The following LRRTM4 variants were observed in gnomAD, a reference collection of about 807,000 sequenced individuals.
LRRTM4 encodes the protein leucine-rich repeat transmembrane neuronal protein 4.
Under a neutral mutation model 47.6 loss-of-function variants are expected in LRRTM4, and 25 were observed. The observed-to-expected ratio is 0.53, with a 90% CI of 0.38 to 0.73. The LOEUF (loss-of-function observed/expected upper bound fraction) is 0.73, where lower values mean the gene tolerates loss of function less well. LRRTM4 is among the 30% of genes least tolerant of loss of function. The pLI is 0.00. For missense variants in LRRTM4, 638 were observed against 713.4 expected, an observed-to-expected ratio of 0.89 and a Z score of 1.20; for synonymous variants, 311 against 269.5, an observed-to-expected ratio of 1.15 and a Z score of -1.51.
intron 3 of LRRTM4, among the ~76,000 whole-genome samples, chr2:77,095,055 A>G (rs1219269566): frequency 6.6e-6 from 1 of 152,214 alleles, no homozygotes; most frequent in Non-Finnish European, 1.5e-5. Flanking sequence ...CAAAATATGT[A>G]AGAAACTCAA....
chr2:76,947,939 AT>A (rs1402118323), intron 3 of LRRTM4, among the ~76,000 whole-genome samples: 6 of 151,794 alleles, frequency 4.0e-5, no homozygotes, highest in African/African-American at 1.4e-4. Flanking sequence ...AAATATCCTG[AT>A]TTTCCTCCCT....
intron 3 of LRRTM4, among the ~76,000 whole-genome samples, chr2:76,963,399 A>G (rs1327713559): frequency 1.3e-5 from 2 of 150,952 alleles, no homozygotes; most frequent in Admixed American, 6.6e-5. Context: ...GAAAAAATGT[A>G]TTGATCAAGT....
intron 3 of LRRTM4, among the ~76,000 whole-genome samples, chr2:77,096,865 A>C (rs1225614599): frequency 6.6e-6 from 1 of 151,874 alleles, no homozygotes; most frequent in Non-Finnish European, 1.5e-5. Context: ...AAACACTTTC[A>C]GATATATCAG....
intron 3 of LRRTM4, among the ~76,000 whole-genome samples, chr2:76,886,955 T>C (rs952774912): frequency 1.3e-5 from 2 of 151,978 alleles, no homozygotes; most frequent in African/African-American, 4.8e-5. Context: ...TTGAACATAA[T>C]ACATTGATTT....
At chr2:76,972,743 C>CTGTG (rs1308442278) in intron 3 of LRRTM4, among the ~76,000 whole-genome samples, 4 of 151,850 alleles carry the variant, frequency 2.6e-5, no homozygotes, top group Admixed American at 2.0e-4. Flanking sequence ...TACCCTCTTT[C>CTGTG]TGTGTGCAGT....
chr2:77,025,579 C>CA (rs1473203257), intron 3 of LRRTM4, among the ~76,000 whole-genome samples: 1 of 152,074 alleles, frequency 6.6e-6, no homozygotes. Context: ...AATCATCATC[C>CA]AAATAAATAA....
chr2:76,887,424 A>T lies in LRRTM4; in HGVS notation c.1552-138508T>A, dbSNP rs58640605. 7.5e-4 allele frequency among the ~76,000 whole-genome samples: 114 copies of T among 151,526 alleles called. No homozygotes were observed. In the East Asian group the frequency reaches 0.019, roughly 26 times the overall value. On this transcript the variant is annotated intron_variant, in intron 3 of 3. Transcript: ENST00000409884. Reference sequence around the variant, plus strand: ...ACCATGATAGATGTAAATATATGACAAACAGCACCACCAATCAATATCAGC... The same window carrying T: ...ACCATGATAGATGTAAATATATGACTAACAGCACCACCAATCAATATCAGC...
At chr2:76,845,972 G>A (rs1260431074) in intron 3 of LRRTM4, among the ~76,000 whole-genome samples, 1 of 152,024 alleles carries the variant, frequency 6.6e-6, no homozygotes, top group East Asian at 1.9e-4. Flanking sequence ...ACTTATACAC[G>A]GATTTTTTTC....
At position 77,403,076 on chromosome 2, in the gene LRRTM4, C is replaced by A. The variant is rs190399755; in HGVS notation, c.1551+115242G>T. The stretch of plus-strand genomic sequence containing the variant: ...TTCTCAACAATGAACCATAAAAATT[C>A]TTCTGAAATACAAACCTAATTATGC... On this transcript the variant is annotated intron_variant, in intron 3 of 3. Coordinates refer to ENST00000409884, the MANE Select transcript of LRRTM4 (RefSeq NM_001134745.3). 8.8e-4 allele frequency among the ~76,000 whole-genome samples: 133 copies of A among 151,984 alleles called. 1 individual carries two copies. Among genetic ancestry groups the A allele is most frequent in the African/African-American group, 3.0e-3 (124 of 41,468 alleles).
At chr2:77,089,229 C>A (rs1680839452) in intron 3 of LRRTM4, among the ~76,000 whole-genome samples, 2 of 143,582 alleles carry the variant, frequency 1.4e-5, no homozygotes, top group Admixed American at 6.9e-5. Context: ...AGTAACCGAA[C>A]CCCTTGTCTT....
At chr2:77,242,985 T>C (rs947112880) in intron 3 of LRRTM4, among the ~76,000 whole-genome samples, 5 of 152,146 alleles carry the variant, frequency 3.3e-5, no homozygotes, top group African/African-American at 7.2e-5. Context: ...CGTCTATTGA[T>C]AGATGAATGG....
chr2:76,937,011 T>C (rs1017286702), intron 3 of LRRTM4, among the ~76,000 whole-genome samples: 1 of 103,290 alleles, frequency 9.7e-6, no homozygotes, highest in Non-Finnish European at 1.9e-5. Context: ...TGTGAAAACA[T>C]ATCATCTTAT....
At chr2:77,188,279 C>T (rs187854836) in intron 3 of LRRTM4, among the ~76,000 whole-genome samples, 2 of 152,286 alleles carry the variant, frequency 1.3e-5, no homozygotes, top group Admixed American at 6.5e-5. Context: ...TAATGACATA[C>T]GATATTTCCC....
chr2:77,026,112 A>C (rs978909131), intron 3 of LRRTM4, among the ~76,000 whole-genome samples: 13 of 152,296 alleles, frequency 8.5e-5, no homozygotes, highest in African/African-American at 3.1e-4. Context: ...TAATTTTACT[A>C]GGGACTAAAT....
At chr2:76,837,698 A>G (rs1410057541) in intron 3 of LRRTM4, among the ~76,000 whole-genome samples, 2 of 152,120 alleles carry the variant, frequency 1.3e-5, no homozygotes, top group Admixed American at 1.3e-4. Flanking sequence ...AATGTCCAAC[A>G]ATGATAGACT....
At chr2:76,984,943 C>T (rs1286136479) in intron 3 of LRRTM4, among the ~76,000 whole-genome samples, 1 of 151,918 alleles carries the variant, frequency 6.6e-6, no homozygotes, top group African/African-American at 2.4e-5. Context: ...CGTTTCAGAG[C>T]AAAATAATTA....
chr2:76,841,972 T>G (rs1671697557), intron 3 of LRRTM4, among the ~76,000 whole-genome samples: 1 of 152,202 alleles, frequency 6.6e-6, no homozygotes, highest in African/African-American at 2.4e-5. Flanking sequence ...TTGTGATGAT[T>G]AATTTCATGT....
chr2:76,859,896 G>A (rs1017125992), intron 3 of LRRTM4, among the ~76,000 whole-genome samples: 1 of 152,086 alleles, frequency 6.6e-6, no homozygotes, highest in African/African-American at 2.4e-5. Flanking sequence ...TTTCTCATTT[G>A]TGAATTGACC....
At chr2:77,164,577 A>G (rs570941638) in intron 3 of LRRTM4, among the ~76,000 whole-genome samples, 1 of 152,348 alleles carries the variant, frequency 6.6e-6, no homozygotes. Context: ...AGCACTCCTC[A>G]GCAAATGAAA....
Sources: gnomAD v4.1 joint callset for allele counts (sites outside exome capture counted in the v4.1 genomes callset) on GRCh38, gnomAD v4.1.1 for gene constraint, MANE v1.5 for transcripts, NCBI Gene and HGNC (gene_info 2026-07-23, HGNC 2026-07-21) for gene names.